The following WWOX variants were observed in gnomAD, a reference collection of about 807,000 sequenced individuals.
WWOX encodes the protein WW domain-containing oxidoreductase.
A neutral mutation model predicts 46.2 loss-of-function variants in WWOX; 69 were observed. The ratio of observed to expected loss-of-function variants is 1.49; its 90% CI spans 1.23 to 1.82. The LOEUF is 1.82. WWOX is among the 40% of genes most tolerant of loss of function. The probability of loss-of-function intolerance (pLI) is 0.00; values close to 1 mark genes in which losing one functional copy is unlikely to be tolerated. For missense variants in WWOX, 919 were observed against 542.6 expected (o/e 1.69, Z -6.89); for synonymous variants, 359 against 202.6 (o/e 1.77, Z -6.56).
intron 8 of WWOX, among the ~76,000 whole-genome samples, chr16:78,593,970 A>T (rs979813056): frequency 2.0e-5 from 3 of 152,184 alleles, no homozygotes; most frequent in Non-Finnish European, 4.4e-5. Flanking sequence ...CTATCATTAT[A>T]TCCAACTTGT....
At chr16:78,335,519 A>G (rs774338197) in intron 5 of WWOX, among the ~76,000 whole-genome samples, 2 of 152,054 alleles carry the variant, frequency 1.3e-5, no homozygotes, top group African/African-American at 2.4e-5. Flanking sequence ...TCTTCATCCT[A>G]TCATTTATGA....
intron 8 of WWOX, among the ~76,000 whole-genome samples, chr16:78,868,400 G>T (rs2044052587): frequency 6.6e-6 from 1 of 152,102 alleles, no homozygotes; most frequent in Non-Finnish European, 1.5e-5. Context: ...TACCTGGAAA[G>T]GGTGGGGCAA....
chr16:78,212,038 G>A lies in WWOX; in HGVS notation c.516+47749G>A, dbSNP rs1418910000. 5.3e-5 allele frequency among the ~76,000 whole-genome samples: 8 copies of A among 152,134 alleles called. No individual in the cohort carries two copies. In the East Asian group the frequency reaches 1.2e-3, roughly 22 times the overall value. On this transcript the variant is annotated intron_variant, in intron 5 of 8. Coordinates refer to ENST00000566780, the MANE Select transcript of WWOX (RefSeq NM_016373.4). ...TGAACATCTTCTTTTGTTATTATTT[G>A]GTGTATTTGGGAAAGGCATGTGGGA...
At chr16:78,697,066 G>C (rs2048116377) in intron 8 of WWOX, among the ~76,000 whole-genome samples, 1 of 152,196 alleles carries the variant, frequency 6.6e-6, no homozygotes, top group South Asian at 2.1e-4. Context: ...CTTGTTGGTA[G>C]ATGGCCATTT....
intron 5 of WWOX, among the ~76,000 whole-genome samples, chr16:78,296,897 C>T (rs964595494): frequency 1.3e-5 from 2 of 152,186 alleles, no homozygotes; most frequent in Non-Finnish European, 2.9e-5. Flanking sequence ...GAGACTTTCT[C>T]TTCTTCAGAT....
chr16:78,874,852 T>C (rs1264562038), intron 8 of WWOX, among the ~76,000 whole-genome samples: 15 of 152,012 alleles, frequency 9.9e-5, no homozygotes, highest in Admixed American at 3.3e-4. Context: ...CACTGGACTT[T>C]CCTACAGCAA....
intron 8 of WWOX, among the ~76,000 whole-genome samples, chr16:78,480,116 A>G (rs565596269): frequency 1.3e-5 from 2 of 152,214 alleles, no homozygotes; most frequent in South Asian, 2.1e-4. Context: ...TCACTGTCCA[A>G]TATGGTAGCC....
chr16:78,967,768 G>C (rs77999142), intron 8 of WWOX, among the ~76,000 whole-genome samples: 5,754 of 152,160 alleles, frequency 0.038, 374 homozygotes, highest in African/African-American at 0.13. Context: ...AGACTGCAGA[G>C]GATGGCACAG....
chr16:78,737,345 A>C lies in WWOX; in HGVS notation c.1056+304593A>C, dbSNP rs1411788983. Among the ~76,000 whole-genome samples the C allele has an allele frequency of 2.0e-5, 3 of 150,084 alleles. No individual in the cohort carries two copies. The East Asian group carries it at 5.9e-4, about 29-fold the overall frequency. On this transcript the variant is annotated intron_variant, in intron 8 of 8. Coordinates refer to ENST00000566780, the MANE Select transcript of WWOX (RefSeq NM_016373.4). ...CAGATGCGGTTTCATCATGTTGATC[A>C]GGCTGGTCTCGAACTTCTGACCTCA... is the stretch of plus-strand genomic sequence containing the variant.
chr16:78,342,708 A>G lies in WWOX; in HGVS notation c.517-44152A>G, dbSNP rs994160150. ...CATGCTTTCCACCATATGCATAGAC[A>G]TTTGCACCCCAGGGATAGCACCATT... On this transcript the variant is annotated intron_variant, in intron 5 of 8. Coordinates refer to ENST00000566780, the MANE Select transcript of WWOX (RefSeq NM_016373.4). Among the ~76,000 whole-genome samples, 16 of 120,416 alleles carry G rather than the reference A, an allele frequency of 1.3e-4. 4 individuals carry two copies. Among genetic ancestry groups the G allele is most frequent in the Admixed American group, 1.3e-3 (16 of 12,356 alleles). The allele number at this position is 120,416 out of a possible 152,430, so 79.0% of individuals were successfully genotyped here. A position where few individuals can be genotyped will look rare whatever the true frequency, so the allele number is the denominator to read the frequency against.
At chr16:78,655,120 G>C (rs1000863920) in intron 8 of WWOX, among the ~76,000 whole-genome samples, 1 of 152,042 alleles carries the variant, frequency 6.6e-6, no homozygotes, top group Middle Eastern at 3.2e-3. Context: ...TACAGTTAAG[G>C]AAACTCGGCT....
intron 8 of WWOX, among the ~76,000 whole-genome samples, chr16:79,188,450 ATTTC>A (rs2051063592): frequency 6.6e-6 from 1 of 152,150 alleles, no homozygotes; most frequent in African/African-American, 2.4e-5. Context: ...GATTTCCAAA[ATTTC>A]TTTCTTTGAG....
At chr16:78,185,250 T>C (rs1191577767) in intron 5 of WWOX, among the ~76,000 whole-genome samples, 4 of 152,158 alleles carry the variant, frequency 2.6e-5, no homozygotes, top group Admixed American at 1.3e-4. Flanking sequence ...ATGTCAAGCC[T>C]TTTTGCTGTT....
chr16:79,106,465 T>A (rs1462594953), intron 8 of WWOX, among the ~76,000 whole-genome samples: 1 of 152,090 alleles, frequency 6.6e-6, no homozygotes, highest in East Asian at 1.9e-4. Flanking sequence ...CTGGGGACAC[T>A]TTTTGGTCCC....
chr16:79,105,656 T>G (rs1423058720), intron 8 of WWOX, among the ~76,000 whole-genome samples: 1 of 149,748 alleles, frequency 6.7e-6, no homozygotes, highest in Non-Finnish European at 1.5e-5. Flanking sequence ...GTGAATGTCT[T>G]TTTGTTTTTT....
chr16:79,170,608 T>G (rs2050681456), intron 8 of WWOX, among the ~76,000 whole-genome samples: 1 of 98,474 alleles, frequency 1.0e-5, no homozygotes, highest in Non-Finnish European at 1.9e-5. Flanking sequence ...AAATAAAAAT[T>G]TTTTACTTAA....
intron 5 of WWOX, chr16:78,237,729 A>G (rs2037490893): frequency 6.6e-6 from 1 of 152,232 alleles, no homozygotes; most frequent in African/African-American, 2.4e-5. Flanking sequence ...GAAGGAGGAA[A>G]ATGATATGGA....
At chr16:78,544,778 G>T (rs72803940) in intron 8 of WWOX, among the ~76,000 whole-genome samples, 13,068 of 152,160 alleles carry the variant, frequency 0.086, 796 homozygotes, top group South Asian at 0.23. Context: ...AGGAGACTGC[G>T]GTAGGGGGAT....
chr16:78,552,530 G>A (rs1000413608), intron 8 of WWOX: 1 of 152,242 alleles, frequency 6.6e-6, no homozygotes, highest in African/African-American at 2.4e-5. Context: ...GAGTAGAGGA[G>A]CAGCTGGAGG....
Sources: gnomAD v4.1 joint callset for allele counts (sites outside exome capture counted in the v4.1 genomes callset) on GRCh38, gnomAD v4.1.1 for gene constraint, MANE v1.5 for transcripts, NCBI Gene and HGNC (gene_info 2026-07-23, HGNC 2026-07-21) for gene names.